The following CSMD1 variants were observed in gnomAD, a reference collection of about 807,000 sequenced individuals.
CSMD1 encodes CUB and sushi domain-containing protein 1.
CSMD1 carries 213 observed loss-of-function variants against 417.5 expected under a neutral mutation model. That is an observed-to-expected ratio of 0.51 (90% CI 0.46 to 0.57). The LOEUF (loss-of-function observed/expected upper bound fraction) is 0.57. Among genes scored for constraint, CSMD1 ranks in the 20% least tolerant of loss-of-function variants. The probability of loss-of-function intolerance (pLI) is 0.00; values close to 1 mark genes in which losing one functional copy is unlikely to be tolerated. For synonymous variants in CSMD1, 2,862 were observed against 1,736.8 expected, an observed-to-expected ratio of 1.65 and a Z score of -16.11; for missense variants, 6,923 against 4,529.7, an observed-to-expected ratio of 1.53 and a Z score of -15.17.
At chr8:3,968,303 G>A (rs569216898) in intron 5 of CSMD1, among the ~76,000 whole-genome samples, 17 of 152,014 alleles carry the variant, frequency 1.1e-4, no homozygotes, top group Non-Finnish European at 1.5e-5. Flanking sequence ...AATACTCATA[G>A]GCAGCATGAG....
At chr8:4,759,612 C>G (rs755702409) in intron 1 of CSMD1, among the ~76,000 whole-genome samples, 1 of 152,064 alleles carries the variant, frequency 6.6e-6, no homozygotes, top group Non-Finnish European at 1.5e-5. Context: ...CCCCTCCCTA[C>G]GTCCATGTGT....
At position 4,575,126 on chromosome 8, in the gene CSMD1, C is replaced by A. The variant is rs557364510; in HGVS notation, c.302+62216G>T. 2.6e-5 allele frequency among the ~76,000 whole-genome samples: 4 copies of A among 152,286 alleles called. No homozygotes were observed. In the South Asian group the frequency reaches 8.3e-4, roughly 32 times the overall value. ...ATGTAAGGTGCATAGTTCATTCTTT[C>A]ATTCAATAAATATTTTTGCAGTCTC... On this transcript the variant is annotated intron_variant, in intron 2 of 69. Coordinates refer to ENST00000635120, the MANE Select transcript of CSMD1 (RefSeq NM_033225.6).
intron 3 of CSMD1, among the ~76,000 whole-genome samples, chr8:4,401,705 C>G (rs1447279316): frequency 6.6e-6 from 1 of 151,776 alleles, no homozygotes; most frequent in Non-Finnish European, 1.5e-5. Context: ...CCATCTAATC[C>G]TCCTTCTTTG....
intron 7 of CSMD1, among the ~76,000 whole-genome samples, chr8:3,656,047 CAT>C (rs1186587455): frequency 6.6e-6 from 1 of 152,172 alleles, no homozygotes; most frequent in Non-Finnish European, 1.5e-5. Flanking sequence ...GGGGAAATAA[CAT>C]GAGATATATT....
chr8:4,785,170 A>G (rs975883509), intron 1 of CSMD1, among the ~76,000 whole-genome samples: 2 of 152,208 alleles, frequency 1.3e-5, no homozygotes, highest in African/African-American at 2.4e-5. Flanking sequence ...GCTTTGCTGA[A>G]TATGACTCCT....
chr8:4,804,467 T>A (rs1791773691), intron 1 of CSMD1, among the ~76,000 whole-genome samples: 1 of 150,326 alleles, frequency 6.7e-6, no homozygotes, highest in African/African-American at 2.5e-5. Flanking sequence ...GATTTTTTTT[T>A]TTTTATTTAA....
At chr8:4,068,117 G>C (rs76654916) in intron 3 of CSMD1, among the ~76,000 whole-genome samples, 2,073 of 152,198 alleles carry the variant, frequency 0.014, 46 homozygotes, top group African/African-American at 0.046. Flanking sequence ...ACAACAGTGA[G>C]TGTCTTCTTG....
chr8:3,534,356 C>T (rs147285607), intron 10 of CSMD1, among the ~76,000 whole-genome samples: 1 of 152,170 alleles, frequency 6.6e-6, no homozygotes, highest in Non-Finnish European at 1.5e-5. Context: ...TCTCAGTTCT[C>T]TTTAAATGCC....
At position 3,709,680 on chromosome 8, in the gene CSMD1, G is replaced by GGCTTTTTTTTTTTTTTTTTTTTTTT. The variant is rs1554518393; in HGVS notation, c.932-1190_932-1189insAAAAAAAAAAAAAAAAAAAAAAAGC. 3.0e-4 allele frequency among the ~76,000 whole-genome samples: 10 copies of GGCTTTTTTTTTTTTTTTTTTTTTTT among 33,690 alleles called. 1 individual carries two copies. Among genetic ancestry groups the GGCTTTTTTTTTTTTTTTTTTTTTTT allele is most frequent in the African/African-American group, 8.5e-4 (8 of 9,430 alleles). 22.1% of individuals were successfully genotyped at this position (33,690 alleles called of 152,430 possible). ...GATGGGCTTTAAATTGCAGCAGCAT[G>GGCTTTTTTTTTTTTTTTTTTTTTTT]TTTTTTTTTTTTTTTTTTTTTTTTT... On this transcript the variant is annotated intron_variant, in intron 6 of 69. Transcript: ENST00000635120.
At chr8:3,356,755 G>A (rs925608028) in intron 21 of CSMD1, among the ~76,000 whole-genome samples, 3 of 152,208 alleles carry the variant, frequency 2.0e-5, no homozygotes, top group Admixed American at 2.0e-4. Context: ...AAAGAGCCCT[G>A]GTGCTCTGTG....
intron 7 of CSMD1, among the ~76,000 whole-genome samples, chr8:3,644,651 G>A (rs1464995384): frequency 6.6e-6 from 1 of 152,158 alleles, no homozygotes. Flanking sequence ...TCAGTAAAGA[G>A]GGCAGCAGGT....
At chr8:3,625,855 T>A (rs916584665) in intron 7 of CSMD1, among the ~76,000 whole-genome samples, 1 of 152,106 alleles carries the variant, frequency 6.6e-6, no homozygotes, top group Non-Finnish European at 1.5e-5. Context: ...ACAAGTAGAT[T>A]TTTCATAAGG....
In CSMD1 at chr8:4,810,299, A is replaced by G. The variant is rs943841411; in HGVS notation, c.86-172741T>C. 3.3e-5 allele frequency among the ~76,000 whole-genome samples: 5 copies of G among 152,178 alleles called. No homozygotes were observed. In the South Asian group the frequency reaches 1.0e-3, roughly 31 times the overall value. ...ATTCAAATTGATTTTCTCATAGTCAAATTTAATATGTTCCTCAACTTATTT... is the reference window on the plus strand; with the variant it reads ...ATTCAAATTGATTTTCTCATAGTCAGATTTAATATGTTCCTCAACTTATTT... On this transcript the variant is annotated intron_variant, in intron 1 of 69. Coordinates refer to ENST00000635120, the MANE Select transcript of CSMD1 (RefSeq NM_033225.6).
chr8:4,554,136 G>A lies in CSMD1; in HGVS notation c.302+83206C>T, dbSNP rs181737175. Among the ~76,000 whole-genome samples the A allele has an allele frequency of 2.3e-3, 354 of 152,108 alleles. 1 individual carries two copies. The highest frequency in any genetic ancestry group is 7.5e-3 in the African/African-American group (311 of 41,508). Reference sequence around the variant, plus strand: ...ATATTAGTCACTTGTGGAAACAATCGCGATTTATTTATTTTTTTGAGGCAG... The same window carrying A: ...ATATTAGTCACTTGTGGAAACAATCACGATTTATTTATTTTTTTGAGGCAG... On this transcript the variant is annotated intron_variant, in intron 2 of 69. Transcript: ENST00000635120.
chr8:2,992,172 C>G (rs1000598452), intron 54 of CSMD1, among the ~76,000 whole-genome samples: 2 of 151,974 alleles, frequency 1.3e-5, no homozygotes, highest in African/African-American at 4.8e-5. Context: ...CAGACATGCA[C>G]ACACATGAAC....
At chr8:3,592,846 T>G (rs1347141708) in intron 8 of CSMD1, among the ~76,000 whole-genome samples, 2 of 151,830 alleles carry the variant, frequency 1.3e-5, no homozygotes. Context: ...ATGAAATAGG[T>G]GTAAAGGAGA....
At chr8:3,545,173 AC>A (rs1167699779) in intron 10 of CSMD1, among the ~76,000 whole-genome samples, 2 of 152,176 alleles carry the variant, frequency 1.3e-5, no homozygotes, top group African/African-American at 4.8e-5. Flanking sequence ...AAAGGACTCT[AC>A]ACTTAGCAAA....
intron 62 of CSMD1, among the ~76,000 whole-genome samples, chr8:2,960,751 C>G (rs1183659362): frequency 4.0e-5 from 6 of 151,856 alleles, no homozygotes; most frequent in Non-Finnish European, 8.8e-5. Context: ...CCACTATATC[C>G]AGTCCCTAAG....
intron 3 of CSMD1, among the ~76,000 whole-genome samples, chr8:4,127,886 G>A (rs895182853): frequency 6.6e-6 from 1 of 152,122 alleles, no homozygotes. Context: ...AGCAAATGGT[G>A]AAGGCAGAAT....
Sources: allele counts gnomAD v4.1 joint callset (sites outside exome capture counted in the v4.1 genomes callset), GRCh38; gene constraint gnomAD v4.1.1; transcripts MANE v1.5; gene names NCBI Gene and HGNC (gene_info 2026-07-23, HGNC 2026-07-21).